Variants in FKBP5 observed in about 807,000 individuals in gnomAD.
The protein encoded by FKBP5 is FKBP prolyl isomerase 5, also known as peptidyl-prolyl cis-trans isomerase FKBP5.
In FKBP5, 23 loss-of-function variants were observed where a neutral mutation model predicts 50.5. The observed-to-expected ratio is 0.46, with a 90% CI of 0.33 to 0.65. FKBP5 has a LOEUF of 0.65. FKBP5 is among the 30% of genes least tolerant of loss of function. FKBP5 has a pLI of 0.02. For synonymous variants in FKBP5, 176 were observed against 190.6 expected (o/e 0.92, Z 0.63); for missense variants, 411 against 553.1 (o/e 0.74, Z 2.58).
chr6:35,584,016 C>G, intron 8 of FKBP5: 2 of 985,400 alleles, frequency 2.0e-6, no homozygotes, highest in Non-Finnish European at 2.4e-6. Context: ...AAGAATCCCA[C>G]ATCACTTCAG....
At chr6:35,589,092 T>TTATATATATATATATTTTTATATA (rs1762715355) in intron 7 of FKBP5, among the ~76,000 whole-genome samples, 1 of 135,986 alleles carries the variant, frequency 7.4e-6, no homozygotes, top group African/African-American at 2.9e-5. Context: ...ATATATATTT[T>TTATATATATATATATTTTTATATA]TATATATATA....
chr6:35,583,692 A>G, intron 8 of FKBP5: 1 of 907,832 alleles, frequency 1.1e-6, no homozygotes. Flanking sequence ...AATATTCTAC[A>G]ATGCACAAGA....
chr6:35,634,222 C>G (rs1764244337), intron 3 of FKBP5, among the ~76,000 whole-genome samples: 2 of 152,084 alleles, frequency 1.3e-5, no homozygotes, highest in Non-Finnish European at 2.9e-5. Flanking sequence ...TAGCAGGTGG[C>G]AGGAACAAGG....
chr6:35,634,790 C>T (rs1764261719), intron 3 of FKBP5, among the ~76,000 whole-genome samples: 1 of 152,078 alleles, frequency 6.6e-6, no homozygotes, highest in South Asian at 2.1e-4. Context: ...GTAACTCAGC[C>T]ACCAACTTCC....
At chr6:35,652,854 G>A (rs2150995282) in intron 1 of FKBP5, among the ~76,000 whole-genome samples, 1 of 152,098 alleles carries the variant, frequency 6.6e-6, no homozygotes, top group Non-Finnish European at 1.5e-5. Context: ...TGTGGCTTGT[G>A]GGGCATCACG....
chr6:35,583,042 G>A (rs934428990), intron 8 of FKBP5: 1 of 956,232 alleles, frequency 1.0e-6, no homozygotes, highest in Non-Finnish European at 1.2e-6. Context: ...AGCTATGCTT[G>A]TGCCACTGCA....
intron 2 of FKBP5, among the ~76,000 whole-genome samples, chr6:35,716,527 C>T (rs1166822883): frequency 6.6e-6 from 1 of 152,090 alleles, no homozygotes; most frequent in African/African-American, 2.4e-5. Flanking sequence ...TCCCCAGTCT[C>T]TCACACCAAG....
intron 6 of FKBP5, among the ~76,000 whole-genome samples, chr6:35,595,750 C>CAA (rs763300374): frequency 1.5e-5 from 2 of 135,700 alleles, no homozygotes; most frequent in Middle Eastern, 3.7e-3. Context: ...ATCCTGTTAC[C>CAA]AAAAAAAAAA....
intron 1 of FKBP5, among the ~76,000 whole-genome samples, chr6:35,647,148 C>T (rs1264147455): frequency 6.6e-6 from 1 of 152,182 alleles, no homozygotes; most frequent in African/African-American, 2.4e-5. Flanking sequence ...TAAGAGACCA[C>T]ACTTCCCCTG....
chr6:35,621,512 G>T (rs1427289832), intron 3 of FKBP5, among the ~76,000 whole-genome samples: 5 of 151,906 alleles, frequency 3.3e-5, no homozygotes, highest in Admixed American at 2.6e-4. Context: ...CAGCTACTTA[G>T]GAGGCTGAGG....
intron 1 of FKBP5, among the ~76,000 whole-genome samples, chr6:35,669,341 CTTT>C (rs1005815638): frequency 6.6e-6 from 1 of 152,082 alleles, no homozygotes; most frequent in African/African-American, 2.4e-5. Context: ...AATCTGTTGC[CTTT>C]TTTTCTAGCA....
chr6:35,689,098 CG>C (rs1201305461), upstream of FKBP5, among the ~76,000 whole-genome samples: 4 of 152,312 alleles, frequency 2.6e-5, no homozygotes, highest in South Asian at 4.1e-4. Context: ...AATGAGGCCC[CG>C]CCCCCATCAT....
At chr6:35,669,040 CA>C (rs2151003609) in intron 1 of FKBP5, among the ~76,000 whole-genome samples, 1 of 151,986 alleles carries the variant, frequency 6.6e-6, no homozygotes, top group Non-Finnish European at 1.5e-5. Flanking sequence ...ATTAACTTTT[CA>C]AAAAAAGTTT....
chr6:35,721,440 A>C (rs916034784), intron 1 of FKBP5, among the ~76,000 whole-genome samples: 1 of 151,704 alleles, frequency 6.6e-6, no homozygotes, highest in Non-Finnish European at 1.5e-5. Context: ...AAACACACAT[A>C]TACACACACC....
chr6:35,645,660 A>G (rs1764609785), intron 1 of FKBP5, among the ~76,000 whole-genome samples: 1 of 152,218 alleles, frequency 6.6e-6, no homozygotes, highest in Non-Finnish European at 1.5e-5. Context: ...TTTTATGCAG[A>G]GTAATATCCT....
rs1256362689 is a variant in FKBP5 at position 35,688,888 on chromosome 6, C to G, written c.-104G>C. 6.6e-6 allele frequency: 1 copy of G among 151,416 alleles called. No homozygotes were observed. The highest frequency in any genetic ancestry group is 1.5e-5 in the Non-Finnish European group (1 of 68,052). 9.4% of individuals were successfully genotyped at this position (151,416 alleles called of 1,614,324 possible). On this transcript the variant is annotated 5_prime_UTR_variant, in exon 1 of 11. Transcript: ENST00000357266. ...CCTTCAGCCCGCCCAGCAGGCCGCC[C>G]GCGCGCCGGACACCGCCGCCCGAGA...
At chr6:35,576,904 C>T in intron 10 of FKBP5, 90 bp downstream of exon 10, 1 of 1,492,690 alleles carries the variant, frequency 6.7e-7, no homozygotes, top group Non-Finnish European at 9.1e-7. Flanking sequence ...TCTTGAGCCT[C>T]TTGGGTTGTT....
At chr6:35,640,198 T>G (rs1363537820) in intron 2 of FKBP5, among the ~76,000 whole-genome samples, 8 of 152,136 alleles carry the variant, frequency 5.3e-5, no homozygotes, top group Admixed American at 5.2e-4. Flanking sequence ...CATCGCAGAG[T>G]GTACTTACAC....
chr6:35,592,892 A>C (rs1340714011), intron 6 of FKBP5, among the ~76,000 whole-genome samples: 1 of 152,236 alleles, frequency 6.6e-6, no homozygotes, highest in Admixed American at 6.5e-5. Context: ...TAGCAAGCCC[A>C]AAGTGTCAAC....
Sources: gnomAD v4.1 joint callset for allele counts (sites outside exome capture counted in the v4.1 genomes callset) on GRCh38, gnomAD v4.1.1 for gene constraint, MANE v1.5 for transcripts, NCBI Gene and HGNC (gene_info 2026-07-23, HGNC 2026-07-21) for gene names.